The following SKIC3 variants were observed in gnomAD, a reference collection of about 807,000 sequenced individuals.
The protein encoded by SKIC3 is SKI3 subunit of superkiller complex.
At chr5:95,549,665 G>T in the SKIC3 span, among the ~76,000 whole-genome samples, 1 of 151,864 alleles carries the variant, frequency 6.6e-6, no homozygotes, top group Non-Finnish European at 1.5e-5. Flanking sequence ...ATATATGTAC[G>T]TAAGTTTCAG....
chr5:95,482,900 T>C, the SKIC3 span, among the ~76,000 whole-genome samples: 19 of 152,128 alleles, frequency 1.2e-4, no homozygotes, highest in Non-Finnish European at 2.5e-4. Context: ...TTAAGTGATA[T>C]CCTGAAAAAT....
the SKIC3 span, among the ~76,000 whole-genome samples, chr5:95,483,787 A>G: frequency 6.6e-6 from 1 of 152,096 alleles, no homozygotes; most frequent in South Asian, 2.1e-4. Flanking sequence ...AGCCCCTACT[A>G]TGTTCTAGGC....
At chr5:95,483,768 T>C in the SKIC3 span, among the ~76,000 whole-genome samples, 8 of 152,290 alleles carry the variant, frequency 5.3e-5, no homozygotes, top group African/African-American at 1.7e-4. Context: ...TTTCAGTAAA[T>C]ATTTATTGAG....
At chr5:95,528,844 T>C in the SKIC3 span, 2 of 679,316 alleles carry the variant, frequency 2.9e-6, no homozygotes, top group Non-Finnish European at 5.1e-6. Flanking sequence ...TACACATGCA[T>C]GCAGACTTTT....
At chr5:95,507,648 A>T in the SKIC3 span, among the ~76,000 whole-genome samples, 1 of 152,214 alleles carries the variant, frequency 6.6e-6, no homozygotes, top group Non-Finnish European at 1.5e-5. Context: ...CTAGGGAGAA[A>T]TAGCCAAGAA....
At chr5:95,540,778 T>G in the SKIC3 span, 24 of 1,614,186 alleles carry the variant, frequency 1.5e-5, no homozygotes, top group Non-Finnish European at 2.0e-5. Context: ...CTCTTCATTT[T>G]CTGCACCTTG....
chr5:95,532,468 A>G, the SKIC3 span, among the ~76,000 whole-genome samples: 583 of 152,274 alleles, frequency 3.8e-3, 4 homozygotes, highest in South Asian at 7.2e-3. Flanking sequence ...AACTAGCAAC[A>G]GTAATAACAA....
chr5:95,523,074 A>G, the SKIC3 span: 1 of 1,276,282 alleles, frequency 7.8e-7, no homozygotes, highest in Non-Finnish European at 1.1e-6. Flanking sequence ...AATAAACACC[A>G]ATCAATCATA....
At chr5:95,519,595 C>T in the SKIC3 span, among the ~76,000 whole-genome samples, 1 of 151,758 alleles carries the variant, frequency 6.6e-6, no homozygotes, top group South Asian at 2.1e-4. Flanking sequence ...TTTTAAGAGC[C>T]TAAATTCTTA....
the SKIC3 span, among the ~76,000 whole-genome samples, chr5:95,529,612 T>C: frequency 1.3e-5 from 2 of 152,158 alleles, no homozygotes. Context: ...CATCTCTGCC[T>C]AAAATGTTCT....
the SKIC3 span, chr5:95,517,133 C>T: frequency 6.2e-7 from 1 of 1,613,320 alleles, no homozygotes; most frequent in Non-Finnish European, 8.5e-7. Flanking sequence ...AACTGGCAAT[C>T]TTTGCAAATT....
the SKIC3 span, among the ~76,000 whole-genome samples, chr5:95,527,594 T>C: frequency 2.0e-5 from 3 of 152,328 alleles, no homozygotes; most frequent in East Asian, 1.9e-4. Flanking sequence ...GGTTTCATTA[T>C]GAAATATGAA....
chr5:95,499,842 AT>A, the SKIC3 span, among the ~76,000 whole-genome samples: 2 of 151,836 alleles, frequency 1.3e-5, no homozygotes, highest in South Asian at 2.1e-4. Context: ...AACATCTAGC[AT>A]TTTTTTTCCT....
chr5:95,520,259 C>T, the SKIC3 span, among the ~76,000 whole-genome samples: 2 of 151,690 alleles, frequency 1.3e-5, no homozygotes, highest in Non-Finnish European at 2.9e-5. Flanking sequence ...CACAGTTTCT[C>T]CTCAGGAGCA....
the SKIC3 span, chr5:95,484,575 G>T: frequency 5.6e-6 from 6 of 1,080,628 alleles, no homozygotes; most frequent in Non-Finnish European, 8.3e-6. Flanking sequence ...TCAAACTCGT[G>T]GCCTCAAGTG....
the SKIC3 span, among the ~76,000 whole-genome samples, chr5:95,532,494 T>C: frequency 6.6e-6 from 1 of 152,116 alleles, no homozygotes; most frequent in East Asian, 1.9e-4. Flanking sequence ...ATGATCCTTG[T>C]ATAAAGAGAC....
chr5:95,554,687 G>A, the SKIC3 span, among the ~76,000 whole-genome samples: 1 of 152,180 alleles, frequency 6.6e-6, no homozygotes, highest in African/African-American at 2.4e-5. Context: ...GGTATTCGGG[G>A]GGGTCTAAGG....
chr5:95,504,632 AT>A, the SKIC3 span, among the ~76,000 whole-genome samples: 58 of 147,350 alleles, frequency 3.9e-4, 2 homozygotes, highest in East Asian at 3.7e-3. Context: ...TTATCTGCAC[AT>A]TTTTTTTTTC....
chr5:95,501,649 CG>C, the SKIC3 span, among the ~76,000 whole-genome samples: 2 of 151,320 alleles, frequency 1.3e-5, no homozygotes, highest in African/African-American at 4.9e-5. Flanking sequence ...CATAAAACAT[CG>C]GGGTAAAGGT....
Sources: gnomAD v4.1 joint callset for allele counts (sites outside exome capture counted in the v4.1 genomes callset) on GRCh38, gnomAD v4.1.1 for gene constraint, MANE v1.5 for transcripts, NCBI Gene and HGNC (gene_info 2026-07-23, HGNC 2026-07-21) for gene names.